LTBP1: variants seen among roughly 807,000 people sequenced by gnomAD.
LTBP1 encodes the protein latent-transforming growth factor beta-binding protein 1.
In LTBP1, 129 loss-of-function variants were observed where a neutral mutation model predicts 207.6. The observed-to-expected ratio is 0.62, with a 90% confidence interval of 0.54 to 0.72. The LOEUF is 0.72. Ranked by LOEUF, LTBP1 falls within the 30% of genes least tolerant of loss-of-function variation. LTBP1 has a pLI of 0.00. For missense variants in LTBP1, 2,281 were observed against 2,217.2 expected (o/e 1.03, Z -0.58); for synonymous variants, 963 against 833.7 (o/e 1.16, Z -2.67).
chr2:33,285,505 A>G (rs1170503910), intron 19 of LTBP1, among the ~76,000 whole-genome samples: 37 of 144,180 alleles, frequency 2.6e-4, no homozygotes, highest in Non-Finnish European at 2.4e-4. Context: ...CTGGAGTGCA[A>G]TGGCGCGATC....
intron 2 of LTBP1, among the ~76,000 whole-genome samples, chr2:32,976,847 C>T (rs1681866480): frequency 6.6e-6 from 1 of 152,200 alleles, no homozygotes; most frequent in Non-Finnish European, 1.5e-5. Flanking sequence ...TGCTTGGGTA[C>T]AGCAAACAAG....
Position 33,021,065 on chromosome 2 carries a change from C to T in LTBP1, c.722C>T (p.Ser241Leu), listed in dbSNP as rs1325550981. The change falls in exon 3 of 34, where the codon TCG (serine) becomes TTG (leucine). Residue 241 changes from serine (S) to leucine (L), a missense_variant. Around this residue, in one of 3 missense-constraint regions of LTBP1, gnomAD observed 555 missense variants for 491.0 expected, o/e 1.13. Transcript: ENST00000404816. ...FGGQSPGAAS[S>L]WGPPEQAAKH... Reference sequence around the variant, plus strand: ...GGGCAGAGTCCTGGGGCTGCTTCCTCGTGGGGCCCTCCTGAGCAAGCAGCA... The same window carrying T: ...GGGCAGAGTCCTGGGGCTGCTTCCTTGTGGGGCCCTCCTGAGCAAGCAGCA... 5.0e-6 allele frequency: 8 copies of T among 1,614,088 alleles called. No homozygotes were observed. The highest frequency in any genetic ancestry group is 2.2e-5 in the East Asian group (1 of 44,872).
chr2:33,279,947 A>T, intron 18 of LTBP1, 92 bp from the exon 19 acceptor site: 1 of 1,371,546 alleles, frequency 7.3e-7, no homozygotes, highest in Non-Finnish European at 1.0e-6. Context: ...ATGTAGATAT[A>T]ACATGCTTTC....
chr2:32,959,621 A>ATATATATATTTTTTTTTT (rs1475834284), intron 2 of LTBP1, among the ~76,000 whole-genome samples: 7 of 36,670 alleles, frequency 1.9e-4, no homozygotes, highest in Non-Finnish European at 2.5e-4. Flanking sequence ...ATATATATAT[A>ATATATATATTTTTTTTTT]TTTTTTTTTT....
At chr2:33,058,039 A>G (rs2077093051) in intron 3 of LTBP1, among the ~76,000 whole-genome samples, 1 of 152,248 alleles carries the variant, frequency 6.6e-6, no homozygotes, top group East Asian at 1.9e-4. Flanking sequence ...TCATAAAAGT[A>G]AGAAACCTAG....
At chr2:33,393,620 C>T (rs2095335191) in intron 32 of LTBP1, among the ~76,000 whole-genome samples, 1 of 152,120 alleles carries the variant, frequency 6.6e-6, no homozygotes, top group Non-Finnish European at 1.5e-5. Flanking sequence ...AGGACATGAA[C>T]TCATCATTTT....
intron 5 of LTBP1, among the ~76,000 whole-genome samples, chr2:33,162,886 G>A (rs1281325755): frequency 6.6e-6 from 1 of 152,222 alleles, no homozygotes; most frequent in African/African-American, 2.4e-5. Context: ...GACATTGCAC[G>A]GGTGTGTGTT....
chr2:33,161,260 T>C (rs556290832), intron 5 of LTBP1, among the ~76,000 whole-genome samples: 186 of 150,564 alleles, frequency 1.2e-3, no homozygotes, highest in African/African-American at 4.2e-3. Flanking sequence ...TTTTTTTTTT[T>C]CCTTTTTTTT....
Position 33,259,589 on chromosome 2 carries a change from G to A in LTBP1, c.2397G>A (p.Val799=). 1 of 1,600,820 alleles carries A rather than the reference G, an allele frequency of 6.2e-7. No individual in the cohort carries two copies. The highest frequency in any genetic ancestry group is 8.5e-7 in the Non-Finnish European group (1 of 1,174,016). ...EHGPGVAEPE[V]ATAPPEKEIP... Reference sequence around the variant, plus strand: ...ACCCTTTTTCTTTTCTGGTTTTAGTGGCAACTGCACCCCCTGAAAAGGTAA... The same window carrying A: ...ACCCTTTTTCTTTTCTGGTTTTAGTAGCAACTGCACCCCCTGAAAAGGTAA... Residue 799 remains valine, a splice_region_variant and synonymous_variant, in exon 13 of 34, where the codon GTG becomes GTA. Transcript: ENST00000404816.
chr2:33,109,338 C>T (rs552166053), intron 3 of LTBP1, among the ~76,000 whole-genome samples: 3 of 152,258 alleles, frequency 2.0e-5, no homozygotes, highest in South Asian at 2.1e-4. Context: ...TCCTTAGGAT[C>T]GGTATTTTGG....
intron 3 of LTBP1, among the ~76,000 whole-genome samples, chr2:33,065,404 A>G (rs1417266368): frequency 6.6e-6 from 1 of 152,100 alleles, no homozygotes; most frequent in East Asian, 1.9e-4. Flanking sequence ...AAATAAAAAT[A>G]TTAGCTGGGT....
At chr2:33,014,262 AT>A (rs957872616) in intron 2 of LTBP1, among the ~76,000 whole-genome samples, 21 of 151,888 alleles carry the variant, frequency 1.4e-4, no homozygotes, top group Admixed American at 4.6e-4. Context: ...TGTTATGCTA[AT>A]TTTTTTTTCT....
intron 5 of LTBP1, among the ~76,000 whole-genome samples, chr2:33,164,155 C>G (rs573828064): frequency 6.6e-6 from 1 of 151,440 alleles, no homozygotes; most frequent in Non-Finnish European, 1.5e-5. Context: ...TCGAGACCAG[C>G]CTGGCCAACA....
At chr2:33,044,230 C>T (rs939355304) in intron 3 of LTBP1, among the ~76,000 whole-genome samples, 20 of 151,978 alleles carry the variant, frequency 1.3e-4, no homozygotes, top group African/African-American at 4.1e-4. Context: ...CTGTCATCTA[C>T]ATTAGGTATT....
intron 5 of LTBP1, among the ~76,000 whole-genome samples, chr2:33,180,187 G>A (rs1280752771): frequency 2.0e-5 from 3 of 152,174 alleles, no homozygotes; most frequent in Non-Finnish European, 4.4e-5. Flanking sequence ...GTCCGAGTCA[G>A]TATAAGTTAA....
chr2:32,987,628 T>C (rs1365921033), intron 2 of LTBP1, among the ~76,000 whole-genome samples: 5 of 152,224 alleles, frequency 3.3e-5, no homozygotes, highest in Non-Finnish European at 5.9e-5. Flanking sequence ...AATTCCCTAA[T>C]AGTTAGTGGG....
chr2:33,388,203 T>C (rs2095284361), intron 31 of LTBP1, among the ~76,000 whole-genome samples: 1 of 151,974 alleles, frequency 6.6e-6, no homozygotes, highest in South Asian at 2.1e-4. Context: ...CACTGGTGGG[T>C]CCTTGGGGGA....
intron 7 of LTBP1, among the ~76,000 whole-genome samples, chr2:33,205,018 G>C (rs759752282): frequency 6.6e-6 from 1 of 152,142 alleles, no homozygotes; most frequent in Non-Finnish European, 1.5e-5. Context: ...GTGTCTTTGA[G>C]CCCTCCAAAC....
At chr2:33,148,408 T>C (rs2083232311) in intron 5 of LTBP1, among the ~76,000 whole-genome samples, 1 of 152,218 alleles carries the variant, frequency 6.6e-6, no homozygotes, top group Admixed American at 6.5e-5. Context: ...ACCTGAATTG[T>C]CCAGATTTGA....
Sources: allele counts gnomAD v4.1 joint callset (sites outside exome capture counted in the v4.1 genomes callset), GRCh38; gene constraint gnomAD v4.1.1; regional missense constraint gnomAD v4.1.1; transcripts MANE v1.5; gene names NCBI Gene and HGNC (gene_info 2026-07-23, HGNC 2026-07-21).